Variants in PPARGC1A observed in about 807,000 individuals in gnomAD.
The protein encoded by PPARGC1A is PPARG coactivator 1 alpha, also known as peroxisome proliferator-activated receptor gamma coactivator 1-alpha.
Under a neutral mutation model 88.7 loss-of-function variants are expected in PPARGC1A, and 25 were observed. That is an observed-to-expected ratio of 0.28 (90% CI 0.21 to 0.39). The LOEUF (loss-of-function observed/expected upper bound fraction) is 0.39, where lower values mean the gene tolerates loss of function less well. Ranked by LOEUF, PPARGC1A falls within the 10% of genes least tolerant of loss-of-function variation. The probability of loss-of-function intolerance (pLI) is 1.00; values close to 1 mark genes in which losing one functional copy is unlikely to be tolerated. For missense variants in PPARGC1A, 880 were observed against 968.7 expected, an observed-to-expected ratio of 0.91 and a Z score of 1.22; for synonymous variants, 363 against 355.6, an observed-to-expected ratio of 1.02 and a Z score of -0.24.
the PPARGC1A span, among the ~76,000 whole-genome samples, chr4:24,234,074 G>A: frequency 1.3e-5 from 2 of 152,160 alleles, no homozygotes; most frequent in East Asian, 3.9e-4. Flanking sequence ...AATCCAGTGC[G>A]GTTTAGAACT....
At chr4:23,845,432 A>G (rs1295951728) in intron 2 of PPARGC1A, among the ~76,000 whole-genome samples, 1 of 152,142 alleles carries the variant, frequency 6.6e-6, no homozygotes, top group Non-Finnish European at 1.5e-5. Context: ...GTATATTAAG[A>G]TTGCGGACAC....
chr4:24,442,144 T>C, the PPARGC1A span, among the ~76,000 whole-genome samples: 1 of 152,168 alleles, frequency 6.6e-6, no homozygotes, highest in South Asian at 2.1e-4. Flanking sequence ...CAAAAAAAAG[T>C]AGAAATATAA....
the PPARGC1A span, among the ~76,000 whole-genome samples, chr4:24,387,784 G>GAAAA: frequency 1.1e-5 from 1 of 87,204 alleles, no homozygotes; most frequent in African/African-American, 3.8e-5. Flanking sequence ...AAGAAAGAAA[G>GAAAA]AAAGAAAGAA....
the PPARGC1A span, among the ~76,000 whole-genome samples, chr4:24,179,269 T>A: frequency 6.6e-6 from 1 of 152,070 alleles, no homozygotes; most frequent in Non-Finnish European, 1.5e-5. Flanking sequence ...TGTAACAAAT[T>A]GCAAAAGTAA....
chr4:24,290,489 T>C, the PPARGC1A span, among the ~76,000 whole-genome samples: 12 of 152,172 alleles, frequency 7.9e-5, no homozygotes, highest in African/African-American at 1.4e-4. Flanking sequence ...AAATGGAGAT[T>C]ATAATATCTA....
At chr4:23,998,248 G>A in the PPARGC1A span, among the ~76,000 whole-genome samples, 4 of 152,206 alleles carry the variant, frequency 2.6e-5, no homozygotes, top group Admixed American at 6.5e-5. Context: ...TCCCTTCAGA[G>A]TGGAAAATGA....
the PPARGC1A span, among the ~76,000 whole-genome samples, chr4:24,359,389 C>A: frequency 2.6e-5 from 4 of 152,132 alleles, no homozygotes; most frequent in Admixed American, 1.3e-4. Flanking sequence ...CCATTTATAC[C>A]TTTATCCCGG....
chr4:23,873,559 A>T (rs1418077868), intron 2 of PPARGC1A, among the ~76,000 whole-genome samples: 1 of 152,148 alleles, frequency 6.6e-6, no homozygotes, highest in Admixed American at 6.5e-5. Flanking sequence ...AGCACATTTC[A>T]TTCATCCTTT....
the PPARGC1A span, among the ~76,000 whole-genome samples, chr4:24,289,279 G>A: frequency 1.4e-5 from 2 of 143,900 alleles, no homozygotes; most frequent in Admixed American, 1.4e-4. Flanking sequence ...GCTGTTCAAA[G>A]CAGGAATCCC....
At chr4:24,144,803 T>C in the PPARGC1A span, among the ~76,000 whole-genome samples, 1 of 152,156 alleles carries the variant, frequency 6.6e-6, no homozygotes, top group African/African-American at 2.4e-5. Flanking sequence ...TCTGTTCAAA[T>C]AAATGTTAGC....
At chr4:23,968,923 A>AAAAC in the PPARGC1A span, among the ~76,000 whole-genome samples, 1 of 152,080 alleles carries the variant, frequency 6.6e-6, no homozygotes, top group African/African-American at 2.4e-5. Flanking sequence ...AAAACAAAAC[A>AAAAC]AAACAAAACA....
chr4:24,356,611 C>T, the PPARGC1A span, among the ~76,000 whole-genome samples: 2 of 152,052 alleles, frequency 1.3e-5, no homozygotes, highest in East Asian at 1.9e-4. Context: ...ACACAAACTC[C>T]CTCTAATAAT....
chr4:24,467,008 G>GAGAAAGAAAGAA, the PPARGC1A span, among the ~76,000 whole-genome samples: 510 of 128,912 alleles, frequency 4.0e-3, 7 homozygotes, highest in African/African-American at 5.8e-3. Flanking sequence ...GAAGGAAGGG[G>GAGAAAGAAAGAA]AGAAAGAAAG....
chr4:24,115,272 A>G, the PPARGC1A span, among the ~76,000 whole-genome samples: 1 of 152,198 alleles, frequency 6.6e-6, no homozygotes, highest in Non-Finnish European at 1.5e-5. Flanking sequence ...TAATTGCACA[A>G]TTGTCGCTTT....
the PPARGC1A span, among the ~76,000 whole-genome samples, chr4:24,006,494 C>G: frequency 9.5e-3 from 1,445 of 152,306 alleles, 28 homozygotes; most frequent in African/African-American, 0.033. Flanking sequence ...AACATTGGCT[C>G]AAACCATTGT....
At chr4:24,146,264 T>G in the PPARGC1A span, among the ~76,000 whole-genome samples, 2 of 152,232 alleles carry the variant, frequency 1.3e-5, no homozygotes, top group Non-Finnish European at 2.9e-5. Context: ...GAAAAACCAG[T>G]GTTTAATGCA....
At chr4:24,169,448 C>A in the PPARGC1A span, among the ~76,000 whole-genome samples, 1 of 152,086 alleles carries the variant, frequency 6.6e-6, no homozygotes, top group Admixed American at 6.5e-5. Context: ...GTAACAAATG[C>A]ACCCTACTCA....
chr4:24,081,969 A>G, the PPARGC1A span, among the ~76,000 whole-genome samples: 1 of 152,078 alleles, frequency 6.6e-6, no homozygotes, highest in African/African-American at 2.4e-5. Context: ...AGATTGAAAA[A>G]GGGGTATACA....
At chr4:24,402,688 A>G in the PPARGC1A span, among the ~76,000 whole-genome samples, 2 of 152,242 alleles carry the variant, frequency 1.3e-5, no homozygotes, top group Admixed American at 1.3e-4. Context: ...CTTTCCCCAG[A>G]GGCCTAGTGG....
Sources: allele counts gnomAD v4.1 joint callset (sites outside exome capture counted in the v4.1 genomes callset), GRCh38; gene constraint gnomAD v4.1.1; transcripts MANE v1.5; gene names NCBI Gene and HGNC (gene_info 2026-07-23, HGNC 2026-07-21).